Variants in RHBDD1 observed in about 807,000 individuals in gnomAD.
The protein encoded by RHBDD1 is rhomboid domain containing 1.
Under a neutral mutation model 36.3 loss-of-function variants are expected in RHBDD1, and 38 were observed. That is an observed-to-expected ratio of 1.05 (90% CI 0.81 to 1.37). The LOEUF is 1.37. Among genes scored for constraint, RHBDD1 ranks in the 40% most tolerant of loss-of-function variants. The probability of loss-of-function intolerance (pLI) is 0.00; values close to 1 mark genes in which losing one functional copy is unlikely to be tolerated. For missense variants in RHBDD1, 393 were observed against 377.6 expected, an observed-to-expected ratio of 1.04 and a Z score of -0.34; for synonymous variants, 151 against 136.5, an observed-to-expected ratio of 1.11 and a Z score of -0.74.
At chr2:226,856,222 C>A (rs1286845450) in intron 3 of RHBDD1, among the ~76,000 whole-genome samples, 3 of 152,082 alleles carry the variant, frequency 2.0e-5, no homozygotes. Flanking sequence ...ACATGTTATT[C>A]AAACAACTAT....
Position 226,908,873 on chromosome 2 carries a change from G to T in RHBDD1, c.707G>T (p.Ser236Ile), listed in dbSNP as rs147682470. 6.3e-7 allele frequency: 1 copy of T among 1,584,726 alleles called. No homozygotes were observed. The highest frequency in any genetic ancestry group is 1.1e-5 in the South Asian group (1 of 90,292). Reference protein sequence around the residue: ...GYPGRQYYFNSSGSSGYQDYY... With the variant: ...GYPGRQYYFNISGSSGYQDYY... The stretch of plus-strand genomic sequence containing the variant: ...CCAGGACGGCAATACTACTTTAATA[G>T]TTCAGGTAGGCACTGTATTTCATTT... Residue 236 changes from serine to isoleucine, a missense_variant, in exon 7 of 9, where the codon AGT (serine) becomes ATT (isoleucine). Transcript: ENST00000392062.
chr2:226,941,479 T>C (rs1324295848), intron 8 of RHBDD1, among the ~76,000 whole-genome samples: 6 of 152,186 alleles, frequency 3.9e-5, no homozygotes, highest in Admixed American at 3.9e-4. Flanking sequence ...TGTTAACACT[T>C]GTTATATGCG....
At chr2:226,962,988 T>C (rs1397357335) in intron 8 of RHBDD1, among the ~76,000 whole-genome samples, 1 of 152,130 alleles carries the variant, frequency 6.6e-6, no homozygotes, top group African/African-American at 2.4e-5. Context: ...GATTCCTTGA[T>C]TCCTTGTCGA....
intron 3 of RHBDD1, among the ~76,000 whole-genome samples, chr2:226,852,429 A>T (rs1942897750): frequency 6.6e-6 from 1 of 152,162 alleles, no homozygotes; most frequent in Non-Finnish European, 1.5e-5. Flanking sequence ...GCAGGTTATT[A>T]GGTCATGAGA....
At chr2:226,931,678 T>C (rs1256168032) in intron 8 of RHBDD1, among the ~76,000 whole-genome samples, 6 of 152,134 alleles carry the variant, frequency 3.9e-5, no homozygotes, top group Non-Finnish European at 7.4e-5. Context: ...TTCTGGACTT[T>C]CTGTATTTTT....
At chr2:226,961,377 T>G (rs1389802564) in intron 8 of RHBDD1, among the ~76,000 whole-genome samples, 1 of 152,204 alleles carries the variant, frequency 6.6e-6, no homozygotes, top group Non-Finnish European at 1.5e-5. Context: ...CTCTTCCACA[T>G]GTTTTCTCTC....
At chr2:226,824,841 T>C in the RHBDD1 span, among the ~76,000 whole-genome samples, 1 of 152,176 alleles carries the variant, frequency 6.6e-6, no homozygotes, top group African/African-American at 2.4e-5. Context: ...TTGAAGCAAA[T>C]TTTAATCATT....
chr2:226,866,340 G>A (rs374305128), intron 4 of RHBDD1, among the ~76,000 whole-genome samples: 118 of 152,224 alleles, frequency 7.8e-4, no homozygotes, highest in African/African-American at 2.8e-3. Context: ...AAAGTGCTGG[G>A]ATTACAGGCG....
intron 8 of RHBDD1, among the ~76,000 whole-genome samples, chr2:226,929,254 A>G (rs1949860484): frequency 6.6e-6 from 1 of 152,112 alleles, no homozygotes; most frequent in African/African-American, 2.4e-5. Flanking sequence ...ACTCTCAACA[A>G]AATGCTAGCA....
At chr2:226,986,589 A>G (rs891065443) in intron 8 of RHBDD1, among the ~76,000 whole-genome samples, 1 of 152,256 alleles carries the variant, frequency 6.6e-6, no homozygotes, top group Admixed American at 6.5e-5. Flanking sequence ...AAAGCTCATC[A>G]TCACTGGTCA....
chr2:226,866,779 A>G (rs1309074303), intron 4 of RHBDD1, among the ~76,000 whole-genome samples: 1 of 152,220 alleles, frequency 6.6e-6, no homozygotes, highest in Non-Finnish European at 1.5e-5. Context: ...GTGGGAGAAG[A>G]AAGAATATAT....
rs1056978747 is a variant in RHBDD1, at chr2:226,998,754, C to T, written c.*3232C>T. ...TCACTTTCATGATGCCACTCAGCAT[C>T]TCAAATACCTTTCATTGGCTCTCTG... On this transcript the variant is annotated 3_prime_UTR_variant, in exon 9 of 9. Transcript: ENST00000392062. 1.3e-5 allele frequency: 2 copies of T among 152,206 alleles called. No individual in the cohort carries two copies. Among genetic ancestry groups the T allele is most frequent in the Admixed American group, 6.5e-5 (1 of 15,288 alleles). 9.4% of individuals were successfully genotyped at this position (152,206 alleles called of 1,614,324 possible).
intron 8 of RHBDD1, among the ~76,000 whole-genome samples, chr2:226,945,146 A>ATTATTATT (rs1277715706): frequency 2.6e-4 from 11 of 43,002 alleles, no homozygotes; most frequent in African/African-American, 1.2e-3. Flanking sequence ...ATCAAATCTG[A>ATTATTATT]TTATTATTAT....
chr2:226,872,500 TC>T (rs1231833357), intron 5 of RHBDD1, among the ~76,000 whole-genome samples: 1 of 152,204 alleles, frequency 6.6e-6, no homozygotes, highest in African/African-American at 2.4e-5. Context: ...TCACAGCTCA[TC>T]ATGTAAATTT....
At chr2:226,954,984 G>A (rs1951693264) in intron 8 of RHBDD1, among the ~76,000 whole-genome samples, 1 of 152,026 alleles carries the variant, frequency 6.6e-6, no homozygotes, top group African/African-American at 2.4e-5. Context: ...CCTTCCTACA[G>A]TATCGAGGTG....
intron 8 of RHBDD1, among the ~76,000 whole-genome samples, chr2:226,926,416 A>G (rs1345596791): frequency 2.0e-5 from 3 of 152,152 alleles, no homozygotes; most frequent in African/African-American, 4.8e-5. Context: ...ATTTCTTTTT[A>G]ATATAAAAAC....
chr2:226,996,317 G>C lies in RHBDD1; in HGVS notation c.*795G>C, dbSNP rs754129806. 6.6e-6 allele frequency: 1 copy of C among 152,208 alleles called. No homozygotes were observed. Among genetic ancestry groups the C allele is most frequent in the African/African-American group, 2.4e-5 (1 of 41,454 alleles). 9.4% of individuals were successfully genotyped at this position (152,208 alleles called of 1,614,324 possible). A position where few individuals can be genotyped will look rare whatever the true frequency, so the allele number is the denominator to read the frequency against. ...CATACAGAGTAGAGCGAAGGCATTT[G>C]GTGGATCGGTCACTAGAGATCTATC... On this transcript the variant is annotated 3_prime_UTR_variant, in exon 9 of 9. Transcript: ENST00000392062.
intron 3 of RHBDD1, 36 bp downstream of exon 3, chr2:226,839,663 T>A (rs1429170394): frequency 6.6e-6 from 1 of 152,130 alleles, no homozygotes; most frequent in East Asian, 1.9e-4. Flanking sequence ...TGAAGACAAT[T>A]TCCAAGGTTG....
chr2:226,805,300 C>T, the RHBDD1 span, among the ~76,000 whole-genome samples: 1 of 152,238 alleles, frequency 6.6e-6, no homozygotes, highest in Non-Finnish European at 1.5e-5. Flanking sequence ...GCAACCTCCA[C>T]CTCCCAGGTT....
Sources: gnomAD v4.1 joint callset for allele counts (sites outside exome capture counted in the v4.1 genomes callset) on GRCh38, gnomAD v4.1.1 for gene constraint, MANE v1.5 for transcripts, NCBI Gene and HGNC (gene_info 2026-07-23, HGNC 2026-07-21) for gene names.